Variants in SLC35F3 observed in about 807,000 individuals in gnomAD.
SLC35F3 encodes the protein solute carrier family 35 member F3, also known as putative thiamine transporter SLC35F3.
SLC35F3 carries 25 observed loss-of-function variants against 49.9 expected under a neutral mutation model. That is an observed-to-expected ratio of 0.50 (90% confidence interval 0.37 to 0.70). The LOEUF (loss-of-function observed/expected upper bound fraction) is 0.70, where lower values mean the gene tolerates loss of function less well. Among genes scored for constraint, SLC35F3 ranks in the 30% least tolerant of loss-of-function variants. SLC35F3 has a pLI of 0.00. For missense variants in SLC35F3, 525 were observed against 639.8 expected (o/e 0.82, Z 1.94); for synonymous variants, 275 against 265.4 (o/e 1.04, Z -0.35).
chr1:234,293,355 C>T (rs555777502), intron 3 of SLC35F3, among the ~76,000 whole-genome samples: 2 of 152,284 alleles, frequency 1.3e-5, no homozygotes, highest in Non-Finnish European at 2.9e-5. Flanking sequence ...AACTGAGAGC[C>T]GGAGCTCAGC....
chr1:234,201,564 A>T (rs752256826), intron 2 of SLC35F3, among the ~76,000 whole-genome samples: 6 of 152,232 alleles, frequency 3.9e-5, no homozygotes, highest in Admixed American at 6.5e-5. Context: ...CCAAATTAGA[A>T]TCCTGCTATC....
intron 2 of SLC35F3, among the ~76,000 whole-genome samples, chr1:233,923,408 A>G (rs144387849): frequency 0.01 from 1,585 of 152,250 alleles, 25 homozygotes; most frequent in African/African-American, 0.037. Flanking sequence ...TCTTTGAAGC[A>G]ATTGTGAATG....
intron 2 of SLC35F3, among the ~76,000 whole-genome samples, chr1:234,192,320 A>G (rs562145198): frequency 6.6e-6 from 1 of 152,296 alleles, no homozygotes; most frequent in Admixed American, 6.5e-5. Context: ...TAAATGTAAT[A>G]CCACATAAAG....
chr1:234,253,343 ATAAT>A (rs997043507), intron 3 of SLC35F3, among the ~76,000 whole-genome samples: 4 of 151,654 alleles, frequency 2.6e-5, no homozygotes, highest in African/African-American at 9.7e-5. Context: ...AAAAATAATA[ATAAT>A]TAAAAAAAAA....
At chr1:233,995,742 T>C (rs1338953878) in intron 2 of SLC35F3, among the ~76,000 whole-genome samples, 1 of 152,132 alleles carries the variant, frequency 6.6e-6, no homozygotes, top group African/African-American at 2.4e-5. Flanking sequence ...GGGCACCCCA[T>C]TGTTACAAGT....
At chr1:234,012,649 A>G (rs1005548929) in intron 2 of SLC35F3, among the ~76,000 whole-genome samples, 22 of 152,202 alleles carry the variant, frequency 1.4e-4, no homozygotes, top group Admixed American at 7.2e-4. Flanking sequence ...ATTTCATACA[A>G]CACATGTTTT....
chr1:234,054,992 T>C (rs1295087480), intron 2 of SLC35F3, among the ~76,000 whole-genome samples: 1 of 152,168 alleles, frequency 6.6e-6, no homozygotes, highest in Non-Finnish European at 1.5e-5. Context: ...TGCTACCTGA[T>C]CATTCCTCTG....
chr1:234,316,852 C>T, intron 5 of SLC35F3, 125 bp downstream of exon 5: 1 of 1,229,420 alleles, frequency 8.1e-7, no homozygotes, highest in Non-Finnish European at 1.1e-6. Context: ...GGACAGGCAG[C>T]TCTAGATAGC....
At chr1:234,031,578 T>C (rs1664063603) in intron 2 of SLC35F3, among the ~76,000 whole-genome samples, 1 of 152,184 alleles carries the variant, frequency 6.6e-6, no homozygotes, top group African/African-American at 2.4e-5. Flanking sequence ...AAGGCCTCAC[T>C]CTGTCACCCA....
At chr1:234,315,621 T>G (rs1298584072) in intron 4 of SLC35F3, among the ~76,000 whole-genome samples, 2 of 152,240 alleles carry the variant, frequency 1.3e-5, no homozygotes, top group Non-Finnish European at 2.9e-5. Flanking sequence ...CTACGACCAC[T>G]CAGTTAACCT....
At chr1:234,228,486 T>C (rs1162140975) in intron 2 of SLC35F3, among the ~76,000 whole-genome samples, 1 of 152,222 alleles carries the variant, frequency 6.6e-6, no homozygotes, top group Non-Finnish European at 1.5e-5. Context: ...TTTACACTTA[T>C]TTATAGACCA....
chr1:234,316,463 C>A, intron 4 of SLC35F3, 139 bp from the exon 5 acceptor site: 2 of 1,196,820 alleles, frequency 1.7e-6, no homozygotes, highest in Non-Finnish European at 1.2e-6. Flanking sequence ...TGTTGCTCTC[C>A]CAAGGAGGAA....
intron 3 of SLC35F3, among the ~76,000 whole-genome samples, chr1:234,256,193 A>T (rs1667819577): frequency 6.6e-6 from 1 of 152,244 alleles, no homozygotes; most frequent in African/African-American, 2.4e-5. Context: ...GGTGAAAAGC[A>T]TTTTCAAAAT....
intron 2 of SLC35F3, among the ~76,000 whole-genome samples, chr1:234,004,843 T>A (rs1663606102): frequency 6.6e-6 from 1 of 152,152 alleles, no homozygotes; most frequent in East Asian, 1.9e-4. Context: ...CTTCTTTATT[T>A]TCAAATGGCT....
rs1248154393 is a variant in SLC35F3 at position 234,066,830 on chromosome 1, C to CCTCA, written c.283+161073_283+161074insTCAC. Among the ~76,000 whole-genome samples the CCTCA allele has an allele frequency of 2.9e-3, 390 of 135,208 alleles. 3 individuals are homozygous for CCTCA. Among genetic ancestry groups the CCTCA allele is most frequent in the Middle Eastern group, 0.015 (4 of 270 alleles). 88.7% of individuals were successfully genotyped at this position (135,208 alleles called of 152,430 possible). On this transcript the variant is annotated intron_variant, in intron 2 of 7. Coordinates refer to ENST00000366618, the MANE Select transcript of SLC35F3 (RefSeq NM_173508.4). ...CTCTCTGTCTCTGTCCCTCTCTCTC[C>CCTCA]CACACACACACACACACACACACAC...
At chr1:234,305,853 A>G (rs954740289) in intron 3 of SLC35F3, among the ~76,000 whole-genome samples, 1 of 152,218 alleles carries the variant, frequency 6.6e-6, no homozygotes, top group Non-Finnish European at 1.5e-5. Flanking sequence ...AGAAGTAAAT[A>G]CATCTAATCT....
chr1:234,003,276 T>C (rs764902297), intron 2 of SLC35F3, among the ~76,000 whole-genome samples: 2 of 152,194 alleles, frequency 1.3e-5, no homozygotes, highest in Non-Finnish European at 2.9e-5. Flanking sequence ...CAAGTCCAAC[T>C]GTCTCCATAT....
chr1:234,157,032 T>G (rs979280039), intron 2 of SLC35F3, among the ~76,000 whole-genome samples: 8 of 152,180 alleles, frequency 5.3e-5, no homozygotes, highest in African/African-American at 1.9e-4. Flanking sequence ...GTTATAAAAT[T>G]TATTACGGTG....
intron 2 of SLC35F3, among the ~76,000 whole-genome samples, chr1:233,949,379 C>T (rs894185937): frequency 6.6e-6 from 1 of 152,126 alleles, no homozygotes; most frequent in African/African-American, 2.4e-5. Context: ...CTTTAAACAT[C>T]GTGATGTTCA....
Sources: allele counts gnomAD v4.1 joint callset (sites outside exome capture counted in the v4.1 genomes callset), GRCh38; gene constraint gnomAD v4.1.1; transcripts MANE v1.5; gene names NCBI Gene and HGNC (gene_info 2026-07-23, HGNC 2026-07-21).